The following PSD3 variants were observed in gnomAD, a reference collection of about 807,000 sequenced individuals.
PSD3 encodes pleckstrin and Sec7 domain containing 3, also known as PH and SEC7 domain-containing protein 3.
Under a neutral mutation model 105.5 loss-of-function variants are expected in PSD3, and 49 were observed. The observed-to-expected ratio is 0.46, with a 90% CI of 0.37 to 0.59. The LOEUF (loss-of-function observed/expected upper bound fraction) is 0.59, where lower values mean the gene tolerates loss of function less well. Ranked by LOEUF, PSD3 falls within the 20% of genes least tolerant of loss-of-function variation. PSD3 has a pLI of 0.00. For missense variants in PSD3, 1,561 were observed against 1,263.8 expected (o/e 1.24, Z -3.57); for synonymous variants, 557 against 457.8 (o/e 1.22, Z -2.77).
chr8:18,987,587 G>A (rs1276549198), intron 1 of PSD3, among the ~76,000 whole-genome samples: 1 of 152,072 alleles, frequency 6.6e-6, no homozygotes. Context: ...GAAAGGACAA[G>A]GCAGAGGATC....
At chr8:19,023,235 C>T (rs1261387593) in intron 1 of PSD3, among the ~76,000 whole-genome samples, 1 of 152,180 alleles carries the variant, frequency 6.6e-6, no homozygotes, top group Non-Finnish European at 1.5e-5. Flanking sequence ...CTATTTCTCA[C>T]AGCTATGCTG....
chr8:18,907,754 TG>T (rs1189333940), intron 2 of PSD3, among the ~76,000 whole-genome samples: 1 of 152,224 alleles, frequency 6.6e-6, no homozygotes, highest in Non-Finnish European at 1.5e-5. Context: ...AAGCAGCACA[TG>T]ACTGTACCAA....
intron 1 of PSD3, among the ~76,000 whole-genome samples, chr8:18,988,356 T>A (rs1198505467): frequency 6.6e-6 from 1 of 152,158 alleles, no homozygotes; most frequent in African/African-American, 2.4e-5. Flanking sequence ...CTCTCTGTTA[T>A]CTTGGAAATA....
At chr8:18,745,743 C>T (rs1299935277) in intron 9 of PSD3, among the ~76,000 whole-genome samples, 2 of 152,154 alleles carry the variant, frequency 1.3e-5, no homozygotes, top group Non-Finnish European at 1.5e-5. Flanking sequence ...TATTTACATG[C>T]ATATATACAT....
At chr8:18,908,747 G>C (rs1820008217) in intron 2 of PSD3, among the ~76,000 whole-genome samples, 1 of 152,086 alleles carries the variant, frequency 6.6e-6, no homozygotes, top group Non-Finnish European at 1.5e-5. Context: ...ATGTTGTCTT[G>C]CTTGTAAGTT....
At chr8:18,596,686 T>C (rs1476740472) in intron 12 of PSD3, among the ~76,000 whole-genome samples, 1 of 152,050 alleles carries the variant, frequency 6.6e-6, no homozygotes. Flanking sequence ...TCTAAGAAAC[T>C]GTTATGAACA....
chr8:18,834,310 T>C (rs1219009939), intron 4 of PSD3, among the ~76,000 whole-genome samples: 1 of 152,158 alleles, frequency 6.6e-6, no homozygotes, highest in Non-Finnish European at 1.5e-5. Context: ...GATAAATGGA[T>C]AGAAAAACAC....
At chr8:18,830,480 T>C (rs1264489396) in intron 4 of PSD3, among the ~76,000 whole-genome samples, 6 of 152,202 alleles carry the variant, frequency 3.9e-5, no homozygotes, top group African/African-American at 1.4e-4. Context: ...TTTTAGTCAT[T>C]TCCCAGGAGG....
At chr8:18,981,001 C>T (rs909846957) in intron 1 of PSD3, among the ~76,000 whole-genome samples, 13 of 152,164 alleles carry the variant, frequency 8.5e-5, no homozygotes, top group African/African-American at 1.2e-4. Flanking sequence ...ATCTTTTACA[C>T]CTCTCAGGTC....
At chr8:18,628,043 T>A (rs549252763) in intron 11 of PSD3, among the ~76,000 whole-genome samples, 19 of 151,236 alleles carry the variant, frequency 1.3e-4, no homozygotes, top group African/African-American at 4.4e-4. Flanking sequence ...AAATGAAAAA[T>A]GAAGTAAATG....
In PSD3 at chr8:18,533,600, T is replaced by A. The variant is rs1006027490; in HGVS notation, c.*2143A>T. 15 of 152,250 alleles carry A rather than the reference T, an allele frequency of 9.9e-5. No homozygotes were observed. Among genetic ancestry groups the A allele is most frequent in the Non-Finnish European group, 4.4e-5 (3 of 68,044 alleles). 9.4% of individuals were successfully genotyped at this position (152,250 alleles called of 1,614,324 possible). A position where few individuals can be genotyped will look rare whatever the true frequency, so the allele number is the denominator to read the frequency against. ...TACAGACATTCTATATACATAGATA[T>A]AGACTGTGGGCAAACACATTCAAGC... is the stretch of plus-strand genomic sequence containing the variant. On this transcript the variant is annotated 3_prime_UTR_variant, in exon 16 of 16. Transcript: ENST00000327040.
At chr8:18,686,107 C>T (rs541783942) in intron 9 of PSD3, among the ~76,000 whole-genome samples, 1 of 152,256 alleles carries the variant, frequency 6.6e-6, no homozygotes, top group East Asian at 1.9e-4. Flanking sequence ...TGATACATGT[C>T]ATTTCTGGGA....
chr8:18,774,918 C>A, intron 8 of PSD3: 1 of 456,160 alleles, frequency 2.2e-6, no homozygotes, highest in South Asian at 1.5e-5. Flanking sequence ...ATCTTGGCTA[C>A]GGCTGCAAAA....
At chr8:18,974,672 C>G (rs1484156289) in intron 1 of PSD3, among the ~76,000 whole-genome samples, 2 of 130,512 alleles carry the variant, frequency 1.5e-5, no homozygotes, top group African/African-American at 2.9e-5. Context: ...CACATCAAGT[C>G]AAAAAAAAAA....
intron 4 of PSD3, among the ~76,000 whole-genome samples, chr8:18,807,651 G>A (rs1811319109): frequency 6.6e-6 from 1 of 152,160 alleles, no homozygotes; most frequent in African/African-American, 2.4e-5. Flanking sequence ...AACTGGAACT[G>A]ACCCAGGCAA....
intron 10 of PSD3, among the ~76,000 whole-genome samples, chr8:18,641,674 T>TA (rs1021524807): frequency 6.6e-6 from 1 of 152,140 alleles, no homozygotes; most frequent in East Asian, 1.9e-4. Flanking sequence ...TTTTATGGCA[T>TA]AAAAATTACA....
intron 8 of PSD3, among the ~76,000 whole-genome samples, chr8:18,775,571 T>G (rs1042808155): frequency 4.6e-5 from 7 of 152,222 alleles, no homozygotes; most frequent in African/African-American, 9.6e-5. Flanking sequence ...TGGTTTTGAT[T>G]TGCATTTCCC....
chr8:18,558,777 C>T (rs905287293), intron 14 of PSD3, among the ~76,000 whole-genome samples: 5 of 152,112 alleles, frequency 3.3e-5, no homozygotes, highest in African/African-American at 4.8e-5. Context: ...GTCGAGGTTG[C>T]GCCACTGCAC....
chr8:19,007,649 G>C lies in PSD3; in HGVS notation c.21+5914C>G, dbSNP rs138286211. On this transcript the variant is annotated intron_variant, in intron 1 of 15. Coordinates refer to ENST00000327040, the MANE Select transcript of PSD3 (RefSeq NM_015310.4). ...ACTCGCACTAGTACGATCCAAGTGAGGTTTGCCTAGGTCAGTGGACAAGGT... is the reference window on the plus strand; with the variant it reads ...ACTCGCACTAGTACGATCCAAGTGACGTTTGCCTAGGTCAGTGGACAAGGT... Among the ~76,000 whole-genome samples, 809 of 152,122 alleles carry C rather than the reference G, an allele frequency of 5.3e-3. 11 individuals carry two copies. Among genetic ancestry groups the C allele is most frequent in the African/African-American group, 0.019 (775 of 41,544 alleles).
Sources: gnomAD v4.1 joint callset for allele counts (sites outside exome capture counted in the v4.1 genomes callset) on GRCh38, gnomAD v4.1.1 for gene constraint, MANE v1.5 for transcripts, NCBI Gene and HGNC (gene_info 2026-07-23, HGNC 2026-07-21) for gene names.